LRMDA: variants seen among roughly 807,000 people sequenced by gnomAD.
The protein encoded by LRMDA is leucine rich melanocyte differentiation associated, also known as leucine-rich melanocyte differentiation-associated protein.
LRMDA carries 18 observed loss-of-function variants against 29.8 expected under a neutral mutation model. The ratio of observed to expected loss-of-function variants is 0.60; its 90% confidence interval spans 0.42 to 0.90. The LOEUF (loss-of-function observed/expected upper bound fraction) is 0.90. Among genes scored for constraint, LRMDA ranks in the 40% least tolerant of loss-of-function variants. The probability of loss-of-function intolerance (pLI) is 0.00; values close to 1 mark genes in which losing one functional copy is unlikely to be tolerated. For missense variants in LRMDA, 273 were observed against 273.9 expected, an observed-to-expected ratio of 1.00 and a Z score of 0.02; for synonymous variants, 125 against 109.4, an observed-to-expected ratio of 1.14 and a Z score of -0.89.
At chr10:76,536,696 G>A (rs554774703) in intron 6 of LRMDA, among the ~76,000 whole-genome samples, 1 of 152,210 alleles carries the variant, frequency 6.6e-6, no homozygotes, top group South Asian at 2.1e-4. Context: ...ATGTTATGAG[G>A]CACGTGTTAT....
chr10:75,529,638 C>T (rs1845453650), intron 2 of LRMDA, among the ~76,000 whole-genome samples: 1 of 152,168 alleles, frequency 6.6e-6, no homozygotes, highest in South Asian at 2.1e-4. Context: ...GCTGTAACAC[C>T]TGATGCATCT....
At chr10:76,125,379 C>T (rs1849861702) in intron 5 of LRMDA, among the ~76,000 whole-genome samples, 1 of 152,154 alleles carries the variant, frequency 6.6e-6, no homozygotes, top group South Asian at 2.1e-4. Flanking sequence ...AGGTGACCTC[C>T]TGTTCGGCAA....
At chr10:75,705,366 G>T (rs528953657) in intron 2 of LRMDA, among the ~76,000 whole-genome samples, 1 of 152,338 alleles carries the variant, frequency 6.6e-6, no homozygotes, top group Non-Finnish European at 1.5e-5. Context: ...TGAGGAAAGG[G>T]CTCAGAGCTT....
At position 76,000,183 on chromosome 10, in the gene LRMDA, G is replaced by T. The variant is rs145309315; in HGVS notation, c.132-35825G>T. Among the ~76,000 whole-genome samples the T allele has an allele frequency of 8.0e-3, 1,221 of 152,248 alleles. 20 individuals carry two copies. Among genetic ancestry groups the T allele is most frequent in the African/African-American group, 0.028 (1,175 of 41,530 alleles). The stretch of plus-strand genomic sequence containing the variant: ...TGGGTTTTTGGTGATGGAGGTGGAG[G>T]ACGGGGGCTGGGAGGATGGCGCTGA... On this transcript the variant is annotated intron_variant, in intron 2 of 6. Transcript: ENST00000611255.
chr10:75,717,351 C>G (rs1392184846), intron 2 of LRMDA, among the ~76,000 whole-genome samples: 1 of 152,206 alleles, frequency 6.6e-6, no homozygotes, highest in Admixed American at 6.5e-5. Flanking sequence ...GAGTCAAGCC[C>G]TATAAAAACA....
intron 2 of LRMDA, among the ~76,000 whole-genome samples, chr10:75,621,222 A>ACC (rs1272156605): frequency 1.4e-3 from 184 of 134,058 alleles, no homozygotes; most frequent in Middle Eastern, 7.5e-3. Context: ...ACACACACAC[A>ACC]CACCCACACA....
chr10:75,953,370 A>C (rs1444149911), intron 2 of LRMDA, among the ~76,000 whole-genome samples: 2 of 152,160 alleles, frequency 1.3e-5, no homozygotes, highest in Non-Finnish European at 2.9e-5. Flanking sequence ...GTGAGCCACC[A>C]TGCCTAGCAG....
chr10:75,730,873 A>AT (rs1264564985), intron 2 of LRMDA, among the ~76,000 whole-genome samples: 2 of 152,046 alleles, frequency 1.3e-5, no homozygotes, highest in Non-Finnish European at 2.9e-5. Context: ...GAGAAGGGGC[A>AT]TTTTTTAAGG....
intron 6 of LRMDA, among the ~76,000 whole-genome samples, chr10:76,516,761 G>A (rs919626230): frequency 2.5e-4 from 38 of 152,138 alleles, no homozygotes; most frequent in Non-Finnish European, 4.7e-4. Context: ...ATTTGGGTTG[G>A]TTCCAAGTCT....
chr10:76,110,774 G>A (rs1378856952), intron 5 of LRMDA, among the ~76,000 whole-genome samples: 1 of 152,128 alleles, frequency 6.6e-6, no homozygotes, highest in African/African-American at 2.4e-5. Context: ...CCAGCCATGT[G>A]GAACTGTAAG....
chr10:75,676,289 G>A (rs1053344746), intron 2 of LRMDA, among the ~76,000 whole-genome samples: 3 of 152,162 alleles, frequency 2.0e-5, no homozygotes, highest in Admixed American at 1.3e-4. Flanking sequence ...CTAATCTGTG[G>A]TCAGGACTAA....
chr10:76,177,314 C>A (rs1260827003), intron 5 of LRMDA, among the ~76,000 whole-genome samples: 1 of 152,054 alleles, frequency 6.6e-6, no homozygotes, highest in Non-Finnish European at 1.5e-5. Context: ...ACTTTAATAT[C>A]TGATCACTTT....
intron 2 of LRMDA, among the ~76,000 whole-genome samples, chr10:75,542,606 C>A (rs559352333): frequency 6.6e-6 from 1 of 152,208 alleles, no homozygotes; most frequent in Non-Finnish European, 1.5e-5. Context: ...GAGCTGATTG[C>A]GAATATTTAT....
intron 5 of LRMDA, among the ~76,000 whole-genome samples, chr10:76,198,502 G>A (rs909964098): frequency 1.3e-5 from 2 of 152,226 alleles, no homozygotes; most frequent in Non-Finnish European, 2.9e-5. Flanking sequence ...TCAGGACAGA[G>A]TAGTTGAGCA....
intron 6 of LRMDA, among the ~76,000 whole-genome samples, chr10:76,327,407 A>C (rs1392826178): frequency 2.0e-5 from 3 of 152,064 alleles, no homozygotes. Context: ...TCTCTTTGAC[A>C]TCAGTGACAC....
At chr10:75,804,892 T>G (rs1843823312) in intron 2 of LRMDA, among the ~76,000 whole-genome samples, 1 of 152,160 alleles carries the variant, frequency 6.6e-6, no homozygotes, top group Non-Finnish European at 1.5e-5. Flanking sequence ...CATGGCGGGT[T>G]CTGAGAGGAG....
At chr10:76,154,213 T>A (rs538297845) in intron 5 of LRMDA, among the ~76,000 whole-genome samples, 84 of 152,326 alleles carry the variant, frequency 5.5e-4, no homozygotes, top group Non-Finnish European at 1.1e-3. Context: ...GATGGATACA[T>A]CCTGTTTAAT....
chr10:75,694,666 C>T (rs1191191781), intron 2 of LRMDA, among the ~76,000 whole-genome samples: 1 of 152,158 alleles, frequency 6.6e-6, no homozygotes, highest in African/African-American at 2.4e-5. Flanking sequence ...TATCTCCCCC[C>T]ATCTGCCACC....
intron 2 of LRMDA, among the ~76,000 whole-genome samples, chr10:76,017,178 G>A (rs187715670): frequency 3.7e-4 from 57 of 152,346 alleles, no homozygotes; most frequent in Non-Finnish European, 6.3e-4. Context: ...TGGGGCGGAC[G>A]CCGCATGAAG....
Sources: allele counts gnomAD v4.1 joint callset (sites outside exome capture counted in the v4.1 genomes callset), GRCh38; gene constraint gnomAD v4.1.1; transcripts MANE v1.5; gene names NCBI Gene and HGNC (gene_info 2026-07-23, HGNC 2026-07-21).